Variants in ZFHX3 observed in about 807,000 individuals in gnomAD.
The protein encoded by ZFHX3 is zinc finger homeobox protein 3.
ZFHX3 carries 42 observed loss-of-function variants against 279.1 expected under a neutral mutation model. The observed-to-expected ratio is 0.15, with a 90% CI of 0.12 to 0.19. The LOEUF is 0.19. Among genes scored for constraint, ZFHX3 ranks in the 10% least tolerant of loss-of-function variants. The pLI is 1.00. For missense variants in ZFHX3, 4,981 were observed against 4,754.0 expected, an observed-to-expected ratio of 1.05 and a Z score of -1.40; for synonymous variants, 2,293 against 1,957.8, an observed-to-expected ratio of 1.17 and a Z score of -4.52.
rs530394578 is a variant in ZFHX3, at chr16:73,251,725, C to T, written c.-1104+5322G>A. ...TGCACACACACATACACACCACACA[C>T]GCACACACCATGCACACACACATAC... On this transcript the variant is annotated intron_variant, in intron 5 of 17. Coordinates refer to the ZFHX3 transcript ENST00000641206. Among the ~76,000 whole-genome samples the T allele has an allele frequency of 4.8e-5, 6 of 125,662 alleles. No homozygotes were observed. The East Asian group carries it at 1.3e-3, about 27-fold the overall frequency. 82.4% of individuals were successfully genotyped at this position (125,662 alleles called of 152,430 possible). A position where few individuals can be genotyped will look rare whatever the true frequency, so the allele number is the denominator to read the frequency against.
At chr16:72,973,977 C>G (rs757051488) in intron 1 of ZFHX3, 1 of 152,212 alleles carries the variant, frequency 6.6e-6, no homozygotes, top group Non-Finnish European at 1.5e-5. Flanking sequence ...GCCGGGTTCA[C>G]TAGTTTAATA....
chr16:73,223,284 AG>A (rs907580920), intron 5 of ZFHX3, among the ~76,000 whole-genome samples: 1 of 152,208 alleles, frequency 6.6e-6, no homozygotes, highest in African/African-American at 2.4e-5. Context: ...TTAACAGACA[AG>A]CCACAGACTA....
At chr16:72,916,487 G>C (rs941110924) in intron 3 of ZFHX3, among the ~76,000 whole-genome samples, 1 of 152,228 alleles carries the variant, frequency 6.6e-6, no homozygotes, top group Non-Finnish European at 1.5e-5. Context: ...AACAGAGACA[G>C]AAGTCATGCC....
At chr16:73,100,402 T>C (rs976525765) in intron 7 of ZFHX3, among the ~76,000 whole-genome samples, 5 of 152,180 alleles carry the variant, frequency 3.3e-5, no homozygotes, top group African/African-American at 1.2e-4. Flanking sequence ...CCTTTTTCTT[T>C]GATCTGGCCC....
At chr16:73,093,582 G>A (rs376343265) in exon 8 of ZFHX3, 85 of 512,514 alleles carry the variant, frequency 1.7e-4, no homozygotes, top group Middle Eastern at 3.2e-4. Context: ...CTTCATCTTG[G>A]GCTAACCGGT....
At chr16:73,152,472 G>A (rs1479147399) in intron 5 of ZFHX3, among the ~76,000 whole-genome samples, 7 of 152,058 alleles carry the variant, frequency 4.6e-5, no homozygotes, top group African/African-American at 1.7e-4. Flanking sequence ...TAAGGACAGG[G>A]CCCATTTCAA....
chr16:72,890,674 A>G (rs1436714030), intron 3 of ZFHX3, among the ~76,000 whole-genome samples: 1 of 152,236 alleles, frequency 6.6e-6, no homozygotes, highest in Admixed American at 6.5e-5. Context: ...CTTTCCTGGC[A>G]CAAGGTTAAA....
intron 3 of ZFHX3, among the ~76,000 whole-genome samples, chr16:72,935,772 T>A (rs1321127397): frequency 6.6e-6 from 1 of 151,300 alleles, no homozygotes; most frequent in Non-Finnish European, 1.5e-5. Flanking sequence ...CATCAAATCA[T>A]CAGGCGACAC....
At position 73,375,524 on chromosome 16, in the gene ZFHX3, A is replaced by G. The variant is rs933543563; in HGVS notation, c.-1290-57188T>C. ...TGAACACAGCAAAAATTGTAGACAC[A>G]CACACACTCCATATAATATATAACA... On this transcript the variant is annotated intron_variant, in intron 3 of 17. Transcript: ENST00000641206. Among the ~76,000 whole-genome samples, 23 of 152,348 alleles carry G rather than the reference A, an allele frequency of 1.5e-4. 1 individual carries two copies. The highest frequency in any genetic ancestry group is 4.8e-4 in the African/African-American group (20 of 41,582).
intron 1 of ZFHX3, among the ~76,000 whole-genome samples, chr16:73,728,391 C>A (rs942504478): frequency 3.3e-5 from 5 of 152,132 alleles, no homozygotes; most frequent in African/African-American, 1.2e-4. Context: ...CTGGCACTAA[C>A]TAATATAATC....
chr16:73,616,072 T>C (rs2052298330), intron 2 of ZFHX3, among the ~76,000 whole-genome samples: 1 of 151,992 alleles, frequency 6.6e-6, no homozygotes, highest in Non-Finnish European at 1.5e-5. Flanking sequence ...GAGGGTATTG[T>C]TTTTGATAAG....
chr16:72,948,999 C>T (rs911901508), intron 3 of ZFHX3, among the ~76,000 whole-genome samples: 2 of 152,184 alleles, frequency 1.3e-5, no homozygotes, highest in Admixed American at 6.5e-5. Flanking sequence ...TTCCTCACTG[C>T]ACCATAGCTG....
At chr16:73,546,980 G>T (rs1596991358) in intron 2 of ZFHX3, among the ~76,000 whole-genome samples, 1 of 152,060 alleles carries the variant, frequency 6.6e-6, no homozygotes, top group Non-Finnish European at 1.5e-5. Context: ...AAGAGGCAGA[G>T]AATATAACCA....
intron 1 of ZFHX3, among the ~76,000 whole-genome samples, chr16:73,008,725 G>C (rs1375333367): frequency 3.3e-5 from 5 of 152,122 alleles, no homozygotes; most frequent in Non-Finnish European, 7.4e-5. Context: ...CACCATCTAA[G>C]TATATAACCA....
intron 1 of ZFHX3, among the ~76,000 whole-genome samples, chr16:73,775,190 A>C (rs1959218799): frequency 6.6e-6 from 1 of 152,204 alleles, no homozygotes; most frequent in Non-Finnish European, 1.5e-5. Context: ...ACAGTCCCTC[A>C]AGGTAAGCAC....
rs185148028 is a variant in ZFHX3, at chr16:73,702,914, G to A, written c.-1607-22674C>T. 6.7e-4 allele frequency among the ~76,000 whole-genome samples: 102 copies of A among 152,282 alleles called. 1 individual carries two copies. The highest frequency in any genetic ancestry group is 8.4e-4 in the Non-Finnish European group (57 of 68,032). On this transcript the variant is annotated intron_variant, in intron 1 of 17. Coordinates refer to the ZFHX3 transcript ENST00000641206. Reference sequence around the variant, plus strand: ...CAAAAAATTCAAGTGATGGTGAAATGAACCTCATAACTACCTAATGGTGTC... The same window carrying A: ...CAAAAAATTCAAGTGATGGTGAAATAAACCTCATAACTACCTAATGGTGTC...
intron 7 of ZFHX3, among the ~76,000 whole-genome samples, chr16:73,101,635 C>T (rs148101170): frequency 6.6e-6 from 1 of 152,186 alleles, no homozygotes; most frequent in East Asian, 1.9e-4. Context: ...CTCCTGACAT[C>T]AAGTGATCCG....
chr16:72,960,905 T>A (rs753033400), intron 1 of ZFHX3, among the ~76,000 whole-genome samples: 14 of 151,902 alleles, frequency 9.2e-5, no homozygotes, highest in Non-Finnish European at 1.8e-4. Flanking sequence ...ACAGAGGGGC[T>A]TCAATCTAAA....
chr16:73,640,465 AC>A (rs2052563779), intron 2 of ZFHX3, among the ~76,000 whole-genome samples: 1 of 152,218 alleles, frequency 6.6e-6, no homozygotes, highest in African/African-American at 2.4e-5. Context: ...AATGCAGAGA[AC>A]AAAAGAAAAA....
Sources: allele counts gnomAD v4.1 joint callset (sites outside exome capture counted in the v4.1 genomes callset), GRCh38; gene constraint gnomAD v4.1.1; transcripts MANE v1.5; gene names NCBI Gene and HGNC (gene_info 2026-07-23, HGNC 2026-07-21).